Variants in FNDC3B observed in about 807,000 individuals in gnomAD.
FNDC3B encodes the protein fibronectin type III domain-containing protein 3B.
In FNDC3B, 12 loss-of-function variants were observed where a neutral mutation model predicts 151.5. That is an observed-to-expected ratio of 0.08 (90% confidence interval 0.05 to 0.13). FNDC3B has a LOEUF of 0.13. Among genes scored for constraint, FNDC3B ranks in the 10% least tolerant of loss-of-function variants. The pLI, the probability that FNDC3B is intolerant of heterozygous loss-of-function variation, is 1.00. For synonymous variants in FNDC3B, 528 were observed against 549.0 expected (o/e 0.96, Z 0.54); for missense variants, 1,214 against 1,505.3 (o/e 0.81, Z 3.20).
intron 1 of FNDC3B, among the ~76,000 whole-genome samples, chr3:172,065,401 A>G (rs1717448036): frequency 6.6e-6 from 1 of 152,212 alleles, no homozygotes; most frequent in Non-Finnish European, 1.5e-5. Context: ...GTGGACATAC[A>G]TAGGATTCAT....
At chr3:172,202,698 T>C (rs1425029024) in intron 3 of FNDC3B, among the ~76,000 whole-genome samples, 3 of 152,198 alleles carry the variant, frequency 2.0e-5, no homozygotes. Flanking sequence ...AATGAGTAGA[T>C]TCCCGTGTAG....
chr3:172,230,724 C>T (rs2108747105), intron 4 of FNDC3B, among the ~76,000 whole-genome samples: 1 of 152,260 alleles, frequency 6.6e-6, no homozygotes, highest in African/African-American at 2.4e-5. Flanking sequence ...AAAAGATGCT[C>T]AATATCATTA....
At chr3:172,105,868 G>T (rs147225397) in intron 1 of FNDC3B, among the ~76,000 whole-genome samples, 23 of 84,422 alleles carry the variant, frequency 2.7e-4, no homozygotes, top group Non-Finnish European at 4.1e-4. Flanking sequence ...AGTACGAATT[G>T]AGCTGATTTT....
chr3:172,084,322 A>G (rs1370652511), intron 1 of FNDC3B, among the ~76,000 whole-genome samples: 1 of 152,086 alleles, frequency 6.6e-6, no homozygotes, highest in Non-Finnish European at 1.5e-5. Flanking sequence ...GTGGTGGTGC[A>G]CGCTTGTAGG....
intron 3 of FNDC3B, among the ~76,000 whole-genome samples, chr3:172,190,117 C>A (rs1375987402): frequency 6.6e-6 from 1 of 152,150 alleles, no homozygotes; most frequent in East Asian, 1.9e-4. Context: ...CTTGCTGGAG[C>A]CTTGCTAGAA....
intron 3 of FNDC3B, among the ~76,000 whole-genome samples, chr3:172,220,697 A>T (rs1225549348): frequency 2.0e-5 from 3 of 151,880 alleles, no homozygotes; most frequent in African/African-American, 4.8e-5. Context: ...ATGATATGAG[A>T]TAGGGGTCCA....
chr3:172,307,247 A>G, intron 9 of FNDC3B, 116 bp from the exon 10 acceptor site: 1 of 1,038,988 alleles, frequency 9.6e-7, no homozygotes, highest in African/African-American at 1.6e-5. Context: ...AGAGCATGAT[A>G]CTCACTCCGT....
At chr3:172,249,071 T>G (rs550155058) in intron 5 of FNDC3B, among the ~76,000 whole-genome samples, 6 of 151,906 alleles carry the variant, frequency 3.9e-5, no homozygotes, top group African/African-American at 1.5e-4. Flanking sequence ...TATGAAAACA[T>G]TTGGATAAAA....
At chr3:172,353,151 G>C in intron 22 of FNDC3B, 68 bp downstream of exon 22, 1 of 1,453,248 alleles carries the variant, frequency 6.9e-7, no homozygotes, top group Non-Finnish European at 9.4e-7. Context: ...AACCTCTCGG[G>C]GAAAATGACC....
At chr3:172,061,885 G>T (rs1717217932) in intron 1 of FNDC3B, among the ~76,000 whole-genome samples, 1 of 152,116 alleles carries the variant, frequency 6.6e-6, no homozygotes, top group South Asian at 2.1e-4. Flanking sequence ...AGAGATCTCT[G>T]ATCTTTTTTT....
intron 25 of FNDC3B, among the ~76,000 whole-genome samples, chr3:172,393,064 A>G (rs1426547151): frequency 6.6e-6 from 1 of 151,796 alleles, no homozygotes; most frequent in Non-Finnish European, 1.5e-5. Context: ...CAGCCTCCCA[A>G]AGTGCTGAGA....
chr3:172,237,810 G>A (rs184452262), intron 4 of FNDC3B, among the ~76,000 whole-genome samples: 58 of 152,276 alleles, frequency 3.8e-4, no homozygotes, highest in African/African-American at 1.4e-3. Flanking sequence ...AGTTTTCAAG[G>A]AACTTCTTCT....
rs1736463418 is a variant in FNDC3B, at chr3:172,399,474, G to C, written c.*1999G>C. On this transcript the variant is annotated 3_prime_UTR_variant, in exon 26 of 26. Coordinates refer to ENST00000415807, the MANE Select transcript of FNDC3B (RefSeq NM_022763.4). ...ATCATCTCTTGGAAGAAAATGCTGA[G>C]ATCAATGAATTATTCTGTGTGCCTA... 1 of 152,596 alleles carries C rather than the reference G, an allele frequency of 6.6e-6. No individual in the cohort carries two copies. The highest frequency in any genetic ancestry group is 2.1e-4 in the South Asian group (1 of 4,826). 9.5% of individuals were successfully genotyped at this position (152,596 alleles called of 1,614,324 possible).
intron 11 of FNDC3B, among the ~76,000 whole-genome samples, chr3:172,314,495 A>G (rs1731679782): frequency 6.6e-6 from 1 of 152,204 alleles, no homozygotes; most frequent in South Asian, 2.1e-4. Context: ...ATATGCAACC[A>G]CTAATGTCCA....
chr3:172,276,085 G>A (rs1336786888), intron 6 of FNDC3B, among the ~76,000 whole-genome samples: 1 of 152,138 alleles, frequency 6.6e-6, no homozygotes, highest in East Asian at 1.9e-4. Context: ...TGTTTAGATG[G>A]TTTTCTTTTT....
chr3:172,281,215 ATATT>A (rs56357726), intron 6 of FNDC3B, among the ~76,000 whole-genome samples: 17,702 of 132,256 alleles, frequency 0.13, 1,420 homozygotes, highest in African/African-American at 0.2. Context: ...ATTATTATTT[ATATT>A]TATTTATTTA....
At chr3:172,056,269 T>C (rs1182453483) in intron 1 of FNDC3B, among the ~76,000 whole-genome samples, 1 of 152,196 alleles carries the variant, frequency 6.6e-6, no homozygotes, top group Non-Finnish European at 1.5e-5. Context: ...ATATCTTCAG[T>C]AAGTTTCAGT....
At chr3:172,264,125 T>A (rs539891392) in intron 6 of FNDC3B, among the ~76,000 whole-genome samples, 43 of 152,310 alleles carry the variant, frequency 2.8e-4, no homozygotes, top group Middle Eastern at 3.4e-3. Flanking sequence ...CAGCTGGAAC[T>A]ACAGACATGT....
intron 12 of FNDC3B, 110 bp downstream of exon 12, chr3:172,329,186 A>G (rs1276094819): frequency 2.4e-6 from 3 of 1,274,680 alleles, no homozygotes; most frequent in Non-Finnish European, 3.3e-6. Context: ...CACTAAATCA[A>G]CTGGAGGTTT....
Sources: gnomAD v4.1 joint callset for allele counts (sites outside exome capture counted in the v4.1 genomes callset) on GRCh38, gnomAD v4.1.1 for gene constraint, MANE v1.5 for transcripts, NCBI Gene and HGNC (gene_info 2026-07-23, HGNC 2026-07-21) for gene names.